SPMAP2L: variants seen among roughly 807,000 people sequenced by gnomAD.
SPMAP2L encodes sperm microtubule associated protein 2-like.
At chr4:56,624,793 A>G in the SPMAP2L span, among the ~76,000 whole-genome samples, 1 of 152,220 alleles carries the variant, frequency 6.6e-6, no homozygotes, top group Non-Finnish European at 1.5e-5. Context: ...TGTCCAGGCA[A>G]AAGTTTGCTG....
the SPMAP2L span, chr4:56,603,124 A>C: frequency 1.1e-6 from 1 of 889,934 alleles, no homozygotes; most frequent in Non-Finnish European, 1.7e-6. Context: ...ATCATAGTAC[A>C]TAACATACAG....
At chr4:56,597,659 A>G in the SPMAP2L span, among the ~76,000 whole-genome samples, 1 of 152,146 alleles carries the variant, frequency 6.6e-6, no homozygotes, top group Non-Finnish European at 1.5e-5. Context: ...TAAAAATGGA[A>G]GTAATGGAGA....
At chr4:56,554,237 T>C in the SPMAP2L span, among the ~76,000 whole-genome samples, 1 of 152,202 alleles carries the variant, frequency 6.6e-6, no homozygotes, top group Non-Finnish European at 1.5e-5. Flanking sequence ...GGTAAGAGTA[T>C]ATTTAACTTT....
the SPMAP2L span, chr4:56,594,061 T>C: frequency 6.2e-7 from 1 of 1,610,654 alleles, no homozygotes; most frequent in African/African-American, 1.3e-5. Flanking sequence ...ATGGCACACT[T>C]GGTATTTCTC....
chr4:56,565,852 T>C, the SPMAP2L span, among the ~76,000 whole-genome samples: 2 of 152,184 alleles, frequency 1.3e-5, no homozygotes, highest in Non-Finnish European at 2.9e-5. Flanking sequence ...AATTGACCCT[T>C]TTTTATCATT....
chr4:56,614,531 G>C, the SPMAP2L span, among the ~76,000 whole-genome samples: 1 of 152,140 alleles, frequency 6.6e-6, no homozygotes, highest in South Asian at 2.1e-4. Flanking sequence ...GCACACAACT[G>C]TAATCCCAGC....
chr4:56,589,106 A>T, the SPMAP2L span, among the ~76,000 whole-genome samples: 21,377 of 151,898 alleles, frequency 0.14, 1,816 homozygotes, highest in African/African-American at 0.23. Context: ...CTCCTGCTTC[A>T]GCCTCCTGAG....
the SPMAP2L span, among the ~76,000 whole-genome samples, chr4:56,583,668 A>G: frequency 6.6e-6 from 1 of 152,210 alleles, no homozygotes; most frequent in African/African-American, 2.4e-5. Flanking sequence ...TATGACCAGC[A>G]CTATCTCAAA....
chr4:56,575,791 T>A, the SPMAP2L span: 1,478 of 743,184 alleles, frequency 2.0e-3, 19 homozygotes, highest in African/African-American at 0.023. Context: ...TATTTGCAGC[T>A]ATTGTAGGTA....
the SPMAP2L span, among the ~76,000 whole-genome samples, chr4:56,581,690 T>C: frequency 1.3e-5 from 2 of 151,948 alleles, no homozygotes; most frequent in Admixed American, 6.6e-5. Context: ...AAAGTTCATA[T>C]AGAAATGCAA....
At chr4:56,572,966 A>C in the SPMAP2L span, among the ~76,000 whole-genome samples, 1 of 151,392 alleles carries the variant, frequency 6.6e-6, no homozygotes, top group Non-Finnish European at 1.5e-5. Flanking sequence ...CAGTGAGCTG[A>C]GATCGCACCA....
At chr4:56,561,340 C>G in the SPMAP2L span, among the ~76,000 whole-genome samples, 3 of 152,066 alleles carry the variant, frequency 2.0e-5, no homozygotes, top group African/African-American at 7.2e-5. Flanking sequence ...AAATATTTTG[C>G]TACAACAGAA....
the SPMAP2L span, among the ~76,000 whole-genome samples, chr4:56,539,924 C>T: frequency 1.3e-5 from 2 of 152,196 alleles, no homozygotes; most frequent in Non-Finnish European, 2.9e-5. Flanking sequence ...TGTCTTTCTA[C>T]CTGAAAGGTA....
chr4:56,570,612 G>A, the SPMAP2L span, among the ~76,000 whole-genome samples: 1 of 152,152 alleles, frequency 6.6e-6, no homozygotes, highest in Non-Finnish European at 1.5e-5. Flanking sequence ...GAGCTTGCAG[G>A]ACTGGAAGTT....
the SPMAP2L span, among the ~76,000 whole-genome samples, chr4:56,602,860 GT>G: frequency 6.6e-6 from 1 of 152,144 alleles, no homozygotes; most frequent in Non-Finnish European, 1.5e-5. Flanking sequence ...ACTCTGGCTT[GT>G]TTTAACATTG....
At chr4:56,557,734 T>C in the SPMAP2L span, 12 of 152,184 alleles carry the variant, frequency 7.9e-5, no homozygotes, top group Admixed American at 3.9e-4. Flanking sequence ...TTCTATTTCA[T>C]GGATCCATCA....
the SPMAP2L span, chr4:56,603,420 C>A: frequency 1.3e-6 from 1 of 746,256 alleles, no homozygotes; most frequent in Non-Finnish European, 2.0e-6. Context: ...TTACATTCAC[C>A]CCTTGCTTCC....
chr4:56,543,394 T>C, the SPMAP2L span, among the ~76,000 whole-genome samples: 1 of 152,214 alleles, frequency 6.6e-6, no homozygotes, highest in East Asian at 2.0e-4. Flanking sequence ...TGTTTTGCTT[T>C]TTAAAATAAA....
At chr4:56,593,220 G>A in the SPMAP2L span, 19 of 1,347,592 alleles carry the variant, frequency 1.4e-5, no homozygotes, top group East Asian at 2.3e-5. Context: ...GACATCACAG[G>A]CCTGGACATG....
Sources: gnomAD v4.1 joint callset for allele counts (sites outside exome capture counted in the v4.1 genomes callset) on GRCh38, gnomAD v4.1.1 for gene constraint, MANE v1.5 for transcripts, NCBI Gene and HGNC (gene_info 2026-07-23, HGNC 2026-07-21) for gene names.